TECTA: variants seen among roughly 807,000 people sequenced by gnomAD.
TECTA encodes alpha-tectorin.
TECTA carries 128 observed loss-of-function variants against 216.8 expected under a neutral mutation model. That is an observed-to-expected ratio of 0.59 (90% CI 0.51 to 0.68). TECTA has a LOEUF of 0.68. TECTA is among the 30% of genes least tolerant of loss of function. TECTA has a pLI of 0.00. For missense variants in TECTA, 2,551 were observed against 2,786.2 expected (o/e 0.92, Z 1.90); for synonymous variants, 1,089 against 1,117.1 (o/e 0.97, Z 0.50).
In TECTA at chr11:121,136,511, A is replaced by G. The variant is rs1270497185; in HGVS notation, c.2942-910A>G. 6.6e-6 allele frequency among the ~76,000 whole-genome samples: 1 copy of G among 152,208 alleles called. No individual in the cohort carries two copies. The highest frequency in any genetic ancestry group is 1.5e-5 in the Non-Finnish European group (1 of 68,024). On this transcript the variant is annotated intron_variant, in intron 10 of 23. Coordinates refer to ENST00000392793, the MANE Select transcript of TECTA (RefSeq NM_005422.4). ...CTACAAGCCAATTTGCAGAGTAAAA[A>G]TACCTACATATAGCCTGTCTGTGTA...
At chr11:121,122,856 A>C (rs1946572682) in intron 7 of TECTA, among the ~76,000 whole-genome samples, 1 of 85,560 alleles carries the variant, frequency 1.2e-5, no homozygotes, top group African/African-American at 4.8e-5. Flanking sequence ...CTGTTTCAAA[A>C]AAAAAAAAAA....
chr11:121,182,036 A>G (rs1357897578), intron 20 of TECTA, among the ~76,000 whole-genome samples: 3 of 152,198 alleles, frequency 2.0e-5, no homozygotes, highest in Admixed American at 2.0e-4. Context: ...TCAGTGACTT[A>G]GGCTATTAAT....
At chr11:121,163,760 G>T (rs1947025137) in intron 16 of TECTA, among the ~76,000 whole-genome samples, 1 of 152,160 alleles carries the variant, frequency 6.6e-6, no homozygotes, top group African/African-American at 2.4e-5. Flanking sequence ...TTGGCAGATG[G>T]ACCACCACGT....
At chr11:121,168,569 G>T (rs1271396431) in intron 19 of TECTA, 108 bp from the exon 20 acceptor site, 15 of 1,541,308 alleles carry the variant, frequency 9.7e-6, no homozygotes, top group Admixed American at 1.7e-5. Context: ...CTTAGACTTT[G>T]CTACTACGTG....
chr11:121,168,838 C>T lies in TECTA; in HGVS notation c.5912C>T (p.Thr1971Ile), dbSNP rs1227395364. ...GTTTTTGTGGTTGGAGCTGACGCCA[C>T]ACATTTAATCCTAACACTCAACAAA... is the stretch of plus-strand genomic sequence containing the variant. ...VGVFVVGADA[T>I]HLILTLNKCY... The change falls in exon 20 of 24, where the codon ACA (threonine) becomes ATA (isoleucine). Residue 1971 changes from threonine (T) to isoleucine (I), a missense_variant. Thr to Ile is a moderately conservative substitution (Grantham distance 89, BLOSUM62 -1). Around this residue, in one of 3 missense-constraint regions of TECTA, gnomAD observed 2,375 missense variants for 2,563.9 expected, o/e 0.93. Coordinates refer to ENST00000392793, the MANE Select transcript of TECTA (RefSeq NM_005422.4). 3.1e-6 allele frequency: 5 copies of T among 1,614,038 alleles called. No individual in the cohort carries two copies. In the South Asian group the frequency reaches 3.3e-5, roughly 11 times the overall value.
In TECTA at chr11:121,158,218, G is replaced by C. The variant is rs149232569; in HGVS notation, c.4683G>C (p.Thr1561=). The change falls in exon 14 of 24, where the codon ACG becomes ACC. Residue 1561 remains threonine, a synonymous_variant. Coordinates refer to ENST00000392793, the MANE Select transcript of TECTA (RefSeq NM_005422.4). The part of the protein sequence containing the change: ...EEQILINDRN[T]VKVNGTQVNV... ...AGATTCTCATCAACGACCGGAACAC[G>C]GTCAAGGTAACCAGCCTGGCGGCCA... is the stretch of plus-strand genomic sequence containing the variant. The C allele has an allele frequency of 1.2e-6, 2 of 1,612,366 alleles. No individual in the cohort carries two copies. The highest frequency in any genetic ancestry group is 1.7e-6 in the Non-Finnish European group (2 of 1,180,008).
At chr11:121,116,407 T>G (rs1946502349) in intron 6 of TECTA, among the ~76,000 whole-genome samples, 1 of 152,152 alleles carries the variant, frequency 6.6e-6, no homozygotes, top group South Asian at 2.1e-4. Flanking sequence ...ACAACATGAG[T>G]GCCCAGTGAC....
chr11:121,125,539 A>T lies in TECTA; in HGVS notation c.1441A>T (p.Met481Leu). 1 of 1,614,172 alleles carries T rather than the reference A, an allele frequency of 6.2e-7. No homozygotes were observed. The highest frequency in any genetic ancestry group is 8.5e-7 in the Non-Finnish European group (1 of 1,180,038). ...DFLRPDGRPA[M>L]SVLDLGESWR... The stretch of plus-strand genomic sequence containing the variant: ...CCTCCGCCCGGATGGCAGGCCGGCC[A>T]TGTCTGTCCTGGATCTGGGAGAGAG... The change falls in exon 8 of 24, where the codon ATG becomes TTG. Residue 481 changes from methionine (M) to leucine (L), a missense_variant. Met to Leu is a conservative substitution (Grantham distance 15). Around this residue, in one of 3 missense-constraint regions of TECTA, gnomAD observed 2,375 missense variants for 2,563.9 expected, o/e 0.93. Transcript: ENST00000392793.
chr11:121,155,186 A>G (rs938832626), intron 13 of TECTA, among the ~76,000 whole-genome samples: 3 of 152,180 alleles, frequency 2.0e-5, no homozygotes, highest in East Asian at 3.8e-4. Context: ...CCCAGCTGTC[A>G]TTGTCATGTA....
rs1267147570 is a variant in TECTA, at chr11:121,152,808, A to G, written c.4106-73A>G. 2.0e-6 allele frequency: 3 copies of G among 1,493,914 alleles called. No individual in the cohort carries two copies. In the African/African-American group the frequency reaches 4.1e-5, roughly 21 times the overall value. The allele number at this position is 1,493,914 out of a possible 1,614,324, so 92.5% of individuals were successfully genotyped here. On this transcript the variant is annotated intron_variant, in intron 12 of 23. Transcript: ENST00000392793. ...TGCCTTTCATCTCCCTGAGTAGGTG[A>G]GCAATGGCCATGAGAAAACCCTCCT...
intron 11 of TECTA, among the ~76,000 whole-genome samples, chr11:121,140,307 A>G (rs1260715914): frequency 6.6e-6 from 1 of 151,984 alleles, no homozygotes; most frequent in African/African-American, 2.4e-5. Flanking sequence ...CTCCTTCACA[A>G]TAACCGACTC....
Position 121,137,910 on chromosome 11 carries a change from C to A in TECTA, c.3431C>A (p.Thr1144Lys), listed in dbSNP as rs761374304. 1.2e-6 allele frequency: 2 copies of A among 1,602,706 alleles called. No homozygotes were observed. Among genetic ancestry groups the A allele is most frequent in the African/African-American group, 1.3e-5 (1 of 74,736 alleles). Reference sequence around the variant, plus strand: ...GACTCTTTCCCCAAGTTTGTTGTCACAGCCAAGAATGAGGACCGGGACCCG... The same window carrying A: ...GACTCTTTCCCCAAGTTTGTTGTCAAAGCCAAGAATGAGGACCGGGACCCG... ...SSDSFPKFVV[T>K]AKNEDRDPSL... Residue 1144 changes from threonine (T) to lysine (K), a missense_variant, in exon 11 of 24, where the codon ACA (threonine) becomes AAA (lysine). By Grantham distance (78) the Thr-to-Lys change is moderately conservative. Transcript: ENST00000392793.
At chr11:121,164,001 T>C (rs1947026952) in intron 16 of TECTA, among the ~76,000 whole-genome samples, 1 of 152,234 alleles carries the variant, frequency 6.6e-6, no homozygotes, top group Non-Finnish European at 1.5e-5. Flanking sequence ...CAGTTGTCTT[T>C]CCAGAAATTA....
At chr11:121,144,171 G>C (rs1029286262) in intron 11 of TECTA, among the ~76,000 whole-genome samples, 10 of 152,194 alleles carry the variant, frequency 6.6e-5, no homozygotes, top group Non-Finnish European at 1.3e-4. Flanking sequence ...GGAAGCCAAT[G>C]GGGTGGATCT....
intron 7 of TECTA, among the ~76,000 whole-genome samples, 165 bp from the exon 8 acceptor site, chr11:121,125,137 C>G (rs186102892): frequency 2.6e-5 from 4 of 152,398 alleles, no homozygotes; most frequent in Admixed American, 2.6e-4. Flanking sequence ...CCATTTCCCC[C>G]CCGGCCTTTG....
chr11:121,178,428 G>A (rs572701538), intron 20 of TECTA, among the ~76,000 whole-genome samples: 7 of 151,760 alleles, frequency 4.6e-5, no homozygotes, highest in South Asian at 4.2e-4. Context: ...TGATCATGGC[G>A]TATTATCTTT....
At chr11:121,170,452 T>G (rs766344860) in intron 20 of TECTA, among the ~76,000 whole-genome samples, 1 of 152,182 alleles carries the variant, frequency 6.6e-6, no homozygotes, top group East Asian at 1.9e-4. Flanking sequence ...GGTTTTGTTT[T>G]GTTTTGCTTT....
At chr11:121,135,312 AT>A (rs1317452718) in intron 10 of TECTA, among the ~76,000 whole-genome samples, 1 of 152,216 alleles carries the variant, frequency 6.6e-6, no homozygotes. Context: ...TCACACAGGC[AT>A]TCCGGGGCCT....
intron 12 of TECTA, among the ~76,000 whole-genome samples, chr11:121,147,762 T>C (rs1051800049): frequency 2.0e-4 from 31 of 152,164 alleles, no homozygotes; most frequent in African/African-American, 7.2e-4. Context: ...GACTTCCCTC[T>C]TCACCTGCAG....
Sources: gnomAD v4.1 joint callset for allele counts (sites outside exome capture counted in the v4.1 genomes callset) on GRCh38, gnomAD v4.1.1 for gene constraint, gnomAD v4.1.1 regional missense constraint, MANE v1.5 for transcripts, NCBI Gene and HGNC (gene_info 2026-07-23, HGNC 2026-07-21) for gene names.